TKTL2: variants seen among roughly 807,000 people sequenced by gnomAD.
The protein encoded by TKTL2 is transketolase-like protein 2.
For synonymous variants in TKTL2, 259 were observed against 294.1 expected, an observed-to-expected ratio of 0.88 and a Z score of 1.22; for missense variants, 825 against 799.4, an observed-to-expected ratio of 1.03 and a Z score of -0.39.
chr4:163,471,724 T>G lies in TKTL2; in HGVS notation c.*130A>C. 1 of 646,296 alleles carries G rather than the reference T, an allele frequency of 1.5e-6. No homozygotes were observed. Among genetic ancestry groups the G allele is most frequent in the Non-Finnish European group, 2.3e-6 (1 of 431,484 alleles). 40.0% of individuals were successfully genotyped at this position (646,296 alleles called of 1,614,324 possible). A position where few individuals can be genotyped will look rare whatever the true frequency, so the allele number is the denominator to read the frequency against. On this transcript the variant is annotated 3_prime_UTR_variant, in exon 1 of 1. Coordinates refer to ENST00000280605, the MANE Select transcript of TKTL2 (RefSeq NM_032136.5). ...GAAGAAAGATGTTAAATGGCTTTGCTTTAAAAGAAACAGTACAACTGTATA... is the reference window on the plus strand; with the variant it reads ...GAAGAAAGATGTTAAATGGCTTTGCGTTAAAAGAAACAGTACAACTGTATA...
Position 163,472,860 on chromosome 4 carries a change from G to A in TKTL2, c.875C>T (p.Ser292Leu), listed in dbSNP as rs556498085. 4.4e-6 allele frequency: 7 copies of A among 1,586,864 alleles called. No individual in the cohort carries two copies. In the East Asian group the frequency reaches 8.9e-5, roughly 20 times the overall value. The change falls in exon 1 of 1, where the codon TCG becomes TTG. Residue 292 changes from serine to leucine, a missense_variant. By Grantham distance (145) the Ser-to-Leu change is moderately radical. Transcript: ENST00000280605. ...IQTNENLIPK[S>L]PVEDSPQISI... ...TATTTGAGGTGAGTCTTCCACAGGC[G>A]ATTTTGGTATGAGATTCTCATTGGT...
Position 163,473,129 on chromosome 4 carries a change from GATGTCTGCGCC to G in TKTL2, c.595_605del (p.Gly199LeufsTer6). The G allele has an allele frequency of 1.2e-6, 2 of 1,614,076 alleles. No individual in the cohort carries two copies. The highest frequency in any genetic ancestry group is 1.7e-6 in the Non-Finnish European group (2 of 1,180,050). On this transcript the variant is annotated frameshift_variant, in exon 1 of 1. Transcript: ENST00000280605. LOFTEE classifies it low-confidence loss of function (END_TRUNC). ...CAAAGGCTTCACAGCAATTCTGGTA[GATGTCTGCGCC>G]ATGCTCAAGGGGTGCAGGGCCACTT...
Position 163,472,984 on chromosome 4 carries a change from C to T in TKTL2, c.751G>A (p.Gly251Ser). ...AIVAKTFKGRGIPNIEDAENW... is the reference protein window; with the variant it reads ...AIVAKTFKGRSIPNIEDAENW... ...TCTGCATCCTCAATATTTGGAATAC[C>T]CCGACCTTTGAAGGTCTTGGCAACT... is the stretch of plus-strand genomic sequence containing the variant. Residue 251 changes from glycine (G) to serine (S), a missense_variant, in exon 1 of 1, where the codon GGT becomes AGT. By Grantham distance (56) the Gly-to-Ser change is moderately conservative. Transcript: ENST00000280605. The T allele has an allele frequency of 6.2e-7, 1 of 1,614,074 alleles. No individual in the cohort carries two copies. Among genetic ancestry groups the T allele is most frequent in the Non-Finnish European group, 8.5e-7 (1 of 1,180,022 alleles).
Position 163,472,348 on chromosome 4 carries a change from A to C in TKTL2, c.1387T>G (p.Tyr463Asp). The C allele has an allele frequency of 6.3e-7, 1 of 1,599,594 alleles. No individual in the cohort carries two copies. The change falls in exon 1 of 1, where the codon TAT (tyrosine) becomes GAT (aspartate). Residue 463 changes from tyrosine to aspartate, a missense_variant. Physicochemically the swap from Tyr to Asp is radical, Grantham distance 160. Coordinates refer to ENST00000280605, the MANE Select transcript of TKTL2 (RefSeq NM_032136.5). ...ATTCCCTTGGTATTGGCGGCTAGAT[A>C]AATAGCATGCTCTGTCGAGATGGCA... is the stretch of plus-strand genomic sequence containing the variant. Reference protein sequence around the residue: ...SDAISTEHAIYLAANTKGMCF... With the variant: ...SDAISTEHAIDLAANTKGMCF...
chr4:163,472,757 A>T lies in TKTL2; in HGVS notation c.978T>A (p.Gly326=). The T allele has an allele frequency of 6.3e-7, 1 of 1,588,000 alleles. No individual in the cohort carries two copies. The highest frequency in any genetic ancestry group is 8.6e-7 in the Non-Finnish European group (1 of 1,167,676). The change falls in exon 1 of 1, where the codon GGT becomes GGA. Residue 326 remains glycine, a synonymous_variant. Coordinates refer to ENST00000280605, the MANE Select transcript of TKTL2 (RefSeq NM_032136.5). ...CACGGCCCAGTTTAGCCAGAGCCAA[A>T]CCATATGTTTTCTGAGTAGCTATCT... The part of the protein sequence containing the change: ...GDKIATQKTY[G]LALAKLGRAN...
In TKTL2 at chr4:163,473,618, G is replaced by A; in HGVS notation, c.117C>T (p.Leu39=). The change falls in exon 1 of 1, where the codon CTC becomes CTT. Residue 39 remains leucine (L), a synonymous_variant. Transcript: ENST00000280605. ...CCTCCGCTGCACTGCAGCACGACGT[G>A]AGCTGGCCAGAACCAGAGGCACACG... The part of the protein sequence containing the change: ...RATCASGSGQ[L]TSCCSAAEVV... 2 of 1,614,188 alleles carry A rather than the reference G, an allele frequency of 1.2e-6. No individual in the cohort carries two copies. Among genetic ancestry groups the A allele is most frequent in the East Asian group, 2.2e-5 (1 of 44,888 alleles).
rs150262109 is a variant in TKTL2, at chr4:163,471,957, A to G, written c.1778T>C (p.Val593Ala). 2 of 1,611,666 alleles carry G rather than the reference A, an allele frequency of 1.2e-6. No homozygotes were observed. The highest frequency in any genetic ancestry group is 2.7e-5 in the African/African-American group (2 of 74,874). ...TTTCCCACGTTGAGGCACTCCTGACACTGCCAGTTGATGAACAAGGATATC... is the reference window on the plus strand; with the variant it reads ...TTTCCCACGTTGAGGCACTCCTGACGCTGCCAGTTGATGAACAAGGATATC... Reference protein sequence around the residue: ...EPDILVHQLAVSGVPQRGKTS... With the variant: ...EPDILVHQLAASGVPQRGKTS... The change falls in exon 1 of 1, where the codon GTG becomes GCG. Residue 593 changes from valine (V) to alanine (A), a missense_variant. Physicochemically the swap from Val to Ala is moderately conservative, Grantham distance 64. Transcript: ENST00000280605.
At position 163,473,138 on chromosome 4, in the gene TKTL2, G is replaced by A. The variant is rs532776025; in HGVS notation, c.597C>T (p.Gly199=). 4.0e-5 allele frequency: 65 copies of A among 1,613,880 alleles called. No homozygotes were observed. The Admixed American group carries it at 6.5e-4, about 16-fold the overall frequency. ...CACAGCAATTCTGGTAGATGTCTGC[G>A]CCATGCTCAAGGGGTGCAGGGCCAC... ...GQSGPAPLEH[G]ADIYQNCCEA... The change falls in exon 1 of 1, where the codon GGC becomes GGT. Residue 199 remains glycine, a synonymous_variant. Coordinates refer to ENST00000280605, the MANE Select transcript of TKTL2 (RefSeq NM_032136.5).
In TKTL2 at chr4:163,471,824, T is replaced by C. The variant is rs1261787810; in HGVS notation, c.*30A>G. 5 of 1,486,476 alleles carry C rather than the reference T, an allele frequency of 3.4e-6. No individual in the cohort carries two copies. Among genetic ancestry groups the C allele is most frequent in the Non-Finnish European group, 4.5e-6 (5 of 1,113,542 alleles). 92.1% of individuals were successfully genotyped at this position (1,486,476 alleles called of 1,614,324 possible). ...ACCAGTGCTTTTGGGCCAAAGCCAA[T>C]AGACTTGACTTTTTAGAAATAAGCC... On this transcript the variant is annotated 3_prime_UTR_variant, in exon 1 of 1. Transcript: ENST00000280605.
At position 163,472,112 on chromosome 4, in the gene TKTL2, A is replaced by C. The variant is rs1240231465; in HGVS notation, c.1623T>G (p.Ile541Met). 3.1e-6 allele frequency: 5 copies of C among 1,614,018 alleles called. No homozygotes were observed. Among genetic ancestry groups the C allele is most frequent in the African/African-American group, 1.3e-5 (1 of 74,906 alleles). The change falls in exon 1 of 1, where the codon ATT becomes ATG. Residue 541 changes from isoleucine to methionine, a missense_variant. Ile to Met is a conservative substitution (Grantham distance 10). Coordinates refer to ENST00000280605, the MANE Select transcript of TKTL2 (RefSeq NM_032136.5). The stretch of plus-strand genomic sequence containing the variant: ...TGATGGTGGCGGCATCCAGGGGTTT[A>C]ATGGTAAATGGGTCGATGACACGGA... Reference protein sequence around the residue: ...ISVRVIDPFTIKPLDAATIIS... With the variant: ...ISVRVIDPFTMKPLDAATIIS...
Position 163,473,026 on chromosome 4 carries a change from T to C in TKTL2, c.709A>G (p.Asn237Asp). The change falls in exon 1 of 1, where the codon AAC (asparagine) becomes GAC (aspartate). Residue 237 changes from asparagine to aspartate, a missense_variant. Coordinates refer to ENST00000280605, the MANE Select transcript of TKTL2 (RefSeq NM_032136.5). ...QAFWQASQVK[N>D]KPTAIVAKTF... Reference sequence around the variant, plus strand: ...TTGGCAACTATAGCAGTAGGCTTGTTCTTCACTTGACTTGCTTGCCAAAAT... The same window carrying C: ...TTGGCAACTATAGCAGTAGGCTTGTCCTTCACTTGACTTGCTTGCCAAAAT... 1 of 1,614,182 alleles carries C rather than the reference T, an allele frequency of 6.2e-7. No homozygotes were observed. The highest frequency in any genetic ancestry group is 2.2e-5 in the East Asian group (1 of 44,862).
chr4:163,472,278 G>T lies in TKTL2; in HGVS notation c.1457C>A (p.Thr486Asn), dbSNP rs369100318. The T allele has an allele frequency of 6.2e-7, 1 of 1,610,840 alleles. No homozygotes were observed. The highest frequency in any genetic ancestry group is 8.5e-7 in the Non-Finnish European group (1 of 1,178,468). The change falls in exon 1 of 1, where the codon ACC (threonine) becomes AAC (asparagine). Residue 486 changes from threonine (T) to asparagine (N), a missense_variant. Thr to Asn is a moderately conservative substitution (Grantham distance 65). Transcript: ENST00000280605. ...GCCAATCTCAAAATTTTCTTGTGGG[G>T]TATAAATAACTGCAGTTTCTGGTTG... Reference protein sequence around the residue: ...TSQPETAVIYTPQENFEIGQA... With the variant: ...TSQPETAVIYNPQENFEIGQA...
Position 163,473,165 on chromosome 4 carries a change from T to C in TKTL2, c.570A>G (p.Gln190=). The change falls in exon 1 of 1, where the codon CAA becomes CAG. Residue 190 remains glutamine (Q), a synonymous_variant. Coordinates refer to ENST00000280605, the MANE Select transcript of TKTL2 (RefSeq NM_032136.5). ...VAVFDVNRLG[Q]SGPAPLEHGA... is the part of the protein sequence containing the mutation. The stretch of plus-strand genomic sequence containing the variant: ...CATGCTCAAGGGGTGCAGGGCCACT[T>C]TGTCCCAAGCGGTTCACGTCGAAGA... The C allele has an allele frequency of 1.9e-6, 3 of 1,613,908 alleles. No homozygotes were observed. Among genetic ancestry groups the C allele is most frequent in the Non-Finnish European group, 2.5e-6 (3 of 1,180,002 alleles).
chr4:163,472,478 G>A lies in TKTL2; in HGVS notation c.1257C>T (p.Ser419=). The change falls in exon 1 of 1, where the codon TCC becomes TCT. Residue 419 remains serine, a synonymous_variant. Coordinates refer to ENST00000280605, the MANE Select transcript of TKTL2 (RefSeq NM_032136.5). ...ISQANINLIG[S]HCGVSTGEDG... ...CTTCTCCAGTGGATACCCCACAGTGGGAACCAATAAGGTTGATATTGGCTT... is the reference window on the plus strand; with the variant it reads ...CTTCTCCAGTGGATACCCCACAGTGAGAACCAATAAGGTTGATATTGGCTT... 6.2e-7 allele frequency: 1 copy of A among 1,614,146 alleles called. No homozygotes were observed. Among genetic ancestry groups the A allele is most frequent in the Non-Finnish European group, 8.5e-7 (1 of 1,180,026 alleles).
At position 163,472,900 on chromosome 4, in the gene TKTL2, C is replaced by T; in HGVS notation, c.835G>A (p.Glu279Lys). ...TTCTCATTGGTCTGTATCTGACTCT[C>T]AATTAATTTGACAATTGCATCTGCT... ...ERADAIVKLI[E>K]SQIQTNENLI... The change falls in exon 1 of 1, where the codon GAG (glutamate) becomes AAG (lysine). Residue 279 changes from glutamate (E) to lysine (K), a missense_variant. By Grantham distance (56) the Glu-to-Lys change is moderately conservative. Coordinates refer to ENST00000280605, the MANE Select transcript of TKTL2 (RefSeq NM_032136.5). 2 of 1,611,640 alleles carry T rather than the reference C, an allele frequency of 1.2e-6. No individual in the cohort carries two copies. Among genetic ancestry groups the T allele is most frequent in the African/African-American group, 1.3e-5 (1 of 74,910 alleles).
At position 163,472,416 on chromosome 4, in the gene TKTL2, A is replaced by G. The variant is rs781302504; in HGVS notation, c.1319T>C (p.Met440Thr). The change falls in exon 1 of 1, where the codon ATG (methionine) becomes ACG (threonine). Residue 440 changes from methionine (M) to threonine (T), a missense_variant. By Grantham distance (81) the Met-to-Thr change is moderately conservative. Transcript: ENST00000280605. ...AGTACAATTGGGAATGCTTCGGAAC[A>G]TGGCTAGATCCTCCAGGGCCATCTG... The part of the protein sequence containing the change: ...VSQMALEDLA[M>T]FRSIPNCTVF... 1 of 1,612,804 alleles carries G rather than the reference A, an allele frequency of 6.2e-7. No homozygotes were observed. Among genetic ancestry groups the G allele is most frequent in the Non-Finnish European group, 8.5e-7 (1 of 1,179,298 alleles).
chr4:163,472,900 CA>C lies in TKTL2; in HGVS notation c.834del (p.Ile278MetfsTer23). The C allele has an allele frequency of 1.2e-6, 2 of 1,611,640 alleles. No individual in the cohort carries two copies. Among genetic ancestry groups the C allele is most frequent in the Non-Finnish European group, 1.7e-6 (2 of 1,178,958 alleles). ...KERADAIVKL[I>X]ESQIQTNENL... ...TTCTCATTGGTCTGTATCTGACTCT[CA>C]ATTAATTTGACAATTGCATCTGCTC... On this transcript the variant is annotated frameshift_variant, in exon 1 of 1. Coordinates refer to ENST00000280605, the MANE Select transcript of TKTL2 (RefSeq NM_032136.5). LOFTEE classifies it low-confidence loss of function (END_TRUNC).
At position 163,472,979 on chromosome 4, in the gene TKTL2, A is replaced by G; in HGVS notation, c.756T>C (p.Ile252=). 1 of 1,614,078 alleles carries G rather than the reference A, an allele frequency of 6.2e-7. No homozygotes were observed. The highest frequency in any genetic ancestry group is 8.5e-7 in the Non-Finnish European group (1 of 1,180,018). The change falls in exon 1 of 1, where the codon ATT becomes ATC. Residue 252 remains isoleucine (I), a synonymous_variant. Coordinates refer to ENST00000280605, the MANE Select transcript of TKTL2 (RefSeq NM_032136.5). ...AATTTTCTGCATCCTCAATATTTGG[A>G]ATACCCCGACCTTTGAAGGTCTTGG... is the stretch of plus-strand genomic sequence containing the variant. ...IVAKTFKGRG[I]PNIEDAENWH... is the part of the protein sequence containing the mutation.
Position 163,472,232 on chromosome 4 carries a change from G to A in TKTL2, c.1503C>T (p.His501=), listed in dbSNP as rs775718902. 3.0e-5 allele frequency: 49 copies of A among 1,614,008 alleles called. No homozygotes were observed. In the African/African-American group the frequency reaches 4.0e-4, roughly 13 times the overall value. ...TTACTGTGACTTTATCATTGACACC[G>A]TGGCGGACCACCTTGGCCTGGCCAA... The part of the protein sequence containing the change: ...FEIGQAKVVR[H]GVNDKVTVIG... Residue 501 remains histidine (H), a synonymous_variant, in exon 1 of 1, where the codon CAC becomes CAT. Coordinates refer to ENST00000280605, the MANE Select transcript of TKTL2 (RefSeq NM_032136.5).
Sources: gnomAD v4.1 joint callset for allele counts on GRCh38, gnomAD v4.1.1 for gene constraint, MANE v1.5 for transcripts, NCBI Gene and HGNC (gene_info 2026-07-23, HGNC 2026-07-21) for gene names.